The following NTRK3 variants were observed in gnomAD, a reference collection of about 807,000 sequenced individuals.
The protein encoded by NTRK3 is neurotrophic receptor tyrosine kinase 3.
In NTRK3, 24 loss-of-function variants were observed where a neutral mutation model predicts 91.7. The observed-to-expected ratio is 0.26, with a 90% CI of 0.19 to 0.37. The LOEUF is 0.37. NTRK3 is among the 10% of genes least tolerant of loss of function. NTRK3 has a pLI of 1.00. For missense variants in NTRK3, 880 were observed against 1,068.9 expected, an observed-to-expected ratio of 0.82 and a Z score of 2.46; for synonymous variants, 483 against 404.0, an observed-to-expected ratio of 1.20 and a Z score of -2.34.
chr15:88,032,532 T>A (rs1364553120), intron 14 of NTRK3, among the ~76,000 whole-genome samples: 1 of 152,102 alleles, frequency 6.6e-6, no homozygotes, highest in Non-Finnish European at 1.5e-5. Context: ...TGTTTCCTAG[T>A]TACATAGGCC....
intron 13 of NTRK3, among the ~76,000 whole-genome samples, chr15:88,042,861 T>C (rs2079784408): frequency 6.6e-6 from 1 of 152,200 alleles, no homozygotes; most frequent in Non-Finnish European, 1.5e-5. Context: ...TAATAAATGG[T>C]AAACAGATCC....
At chr15:88,108,719 A>G (rs2050984388) in intron 13 of NTRK3, among the ~76,000 whole-genome samples, 1 of 152,228 alleles carries the variant, frequency 6.6e-6, no homozygotes, top group Non-Finnish European at 1.5e-5. Context: ...GGGCCAAAAA[A>G]CAGACTTGAG....
chr15:88,128,314 C>A (rs2053497548), intron 11 of NTRK3, among the ~76,000 whole-genome samples: 1 of 152,182 alleles, frequency 6.6e-6, no homozygotes, highest in Non-Finnish European at 1.5e-5. Flanking sequence ...TGCTCAGGCT[C>A]CTGAAGCAGG....
intron 17 of NTRK3, among the ~76,000 whole-genome samples, chr15:87,898,663 C>T (rs1486212915): frequency 6.6e-6 from 1 of 151,982 alleles, no homozygotes; most frequent in Non-Finnish European, 1.5e-5. Flanking sequence ...ATCCCACCAG[C>T]TTTAAGATGA....
At chr15:87,878,780 A>AG (rs558759755) in intron 18 of NTRK3, among the ~76,000 whole-genome samples, 2 of 152,334 alleles carry the variant, frequency 1.3e-5, no homozygotes, top group South Asian at 4.1e-4. Context: ...ACACCCTGTT[A>AG]GCTGCTATGA....
At chr15:87,861,623 A>G (rs1054261686) in exon 19 of NTRK3, 1 of 194,158 alleles carries the variant, frequency 5.2e-6, no homozygotes, top group Admixed American at 6.1e-5. Context: ...GGGAAAAAAA[A>G]AATCCCACTT....
intron 11 of NTRK3, among the ~76,000 whole-genome samples, chr15:88,127,932 T>C (rs1307812229): frequency 6.6e-6 from 1 of 152,180 alleles, no homozygotes; most frequent in Admixed American, 6.5e-5. Flanking sequence ...CAATTCAGAA[T>C]TCTCTGAAGG....
chr15:88,000,000 C>G (rs1184176846), intron 14 of NTRK3, among the ~76,000 whole-genome samples: 1 of 152,154 alleles, frequency 6.6e-6, no homozygotes, highest in African/African-American at 2.4e-5. Flanking sequence ...GATAGTGATA[C>G]TTATCAGACT....
intron 13 of NTRK3, among the ~76,000 whole-genome samples, chr15:88,076,273 A>G (rs117992107): frequency 0.022 from 3,354 of 152,234 alleles, 44 homozygotes; most frequent in Non-Finnish European, 0.034. Flanking sequence ...CTTATTCACT[A>G]TCATAAGACC....
At chr15:88,084,086 CTTT>C (rs764435924) in intron 13 of NTRK3, among the ~76,000 whole-genome samples, 1 of 135,846 alleles carries the variant, frequency 7.4e-6, no homozygotes. Context: ...GTCCAAGTGC[CTTT>C]TTTTTTTTTT....
chr15:87,985,237 G>A (rs981534131), intron 14 of NTRK3, among the ~76,000 whole-genome samples: 10 of 152,166 alleles, frequency 6.6e-5, no homozygotes, highest in Non-Finnish European at 1.3e-4. Flanking sequence ...CATAATGCTG[G>A]AAAAAGCTAC....
chr15:88,178,265 A>G (rs968156768), intron 5 of NTRK3, among the ~76,000 whole-genome samples: 1 of 152,242 alleles, frequency 6.6e-6, no homozygotes, highest in African/African-American at 2.4e-5. Flanking sequence ...GGTTATTCCA[A>G]GGAGAAAGAA....
intron 17 of NTRK3, among the ~76,000 whole-genome samples, chr15:87,894,473 GA>G (rs769709233): frequency 5.9e-5 from 9 of 152,208 alleles, no homozygotes; most frequent in African/African-American, 9.7e-5. Flanking sequence ...CATAGATACA[GA>G]CCTGGGCCTG....
chr15:87,974,078 T>A (rs2073496146), intron 14 of NTRK3, among the ~76,000 whole-genome samples: 1 of 152,138 alleles, frequency 6.6e-6, no homozygotes, highest in Admixed American at 6.5e-5. Context: ...GCCTCACCAT[T>A]GTATCTGAGA....
chr15:88,232,055 C>T (rs2141740662), intron 3 of NTRK3, among the ~76,000 whole-genome samples: 1 of 152,296 alleles, frequency 6.6e-6, no homozygotes, highest in East Asian at 1.9e-4. Context: ...TCCCACAGCT[C>T]ATCTGTGGCC....
At chr15:87,990,588 C>T (rs1335356478) in intron 14 of NTRK3, among the ~76,000 whole-genome samples, 2 of 152,068 alleles carry the variant, frequency 1.3e-5, no homozygotes, top group Non-Finnish European at 2.9e-5. Flanking sequence ...CTGACCAGAG[C>T]CCAATTATTT....
intron 17 of NTRK3, among the ~76,000 whole-genome samples, chr15:87,910,896 G>A (rs2067053113): frequency 6.6e-6 from 1 of 152,150 alleles, no homozygotes. Flanking sequence ...ATTTAAATTT[G>A]GTCGTGAGAG....
chr15:88,164,320 C>T (rs1366475156), intron 5 of NTRK3, among the ~76,000 whole-genome samples: 1 of 152,176 alleles, frequency 6.6e-6, no homozygotes, highest in Non-Finnish European at 1.5e-5. Context: ...CTTCTCATTC[C>T]TACAAAGGAT....
At chr15:88,072,814 C>G (rs1237170585) in intron 13 of NTRK3, 3 of 232,982 alleles carry the variant, frequency 1.3e-5, no homozygotes, top group East Asian at 6.0e-5. Flanking sequence ...GCAGTGCTGG[C>G]TGGGCCACAG....
Sources: gnomAD v4.1 joint callset for allele counts (sites outside exome capture counted in the v4.1 genomes callset) on GRCh38, gnomAD v4.1.1 for gene constraint, MANE v1.5 for transcripts, NCBI Gene and HGNC (gene_info 2026-07-23, HGNC 2026-07-21) for gene names.